Variants in LRRC27 observed in about 807,000 individuals in gnomAD.
LRRC27 encodes leucine-rich repeat-containing protein 27.
LRRC27 carries 57 observed loss-of-function variants against 55.0 expected under a neutral mutation model. That is an observed-to-expected ratio of 1.04 (90% confidence interval 0.84 to 1.29). LRRC27 has a LOEUF of 1.29. Ranked by LOEUF, LRRC27 falls within the 50% of genes most tolerant of loss-of-function variation. The pLI is 0.00. For missense variants in LRRC27, 721 were observed against 651.5 expected (o/e 1.11, Z -1.16); for synonymous variants, 278 against 251.9 (o/e 1.10, Z -0.98).
rs755372917 is a variant in LRRC27, at chr10:132,344,559, G to C, written c.462G>C (p.Gln154His). ...ACTGCCCTCTGGAATTCCCTCCTCAGCTCGTTGTGCAGAAGGGATTGGTGG... is the reference window on the plus strand; with the variant it reads ...ACTGCCCTCTGGAATTCCCTCCTCACCTCGTTGTGCAGAAGGGATTGGTGG... ...LRHCPLEFPPQLVVQKGLVAI... is the reference protein window; with the variant it reads ...LRHCPLEFPPHLVVQKGLVAI... The change falls in exon 5 of 11, where the codon CAG becomes CAC. Residue 154 changes from glutamine (Q) to histidine (H), a missense_variant. Gln to His is a conservative substitution (Grantham distance 24). Coordinates refer to ENST00000368614, the MANE Select transcript of LRRC27 (RefSeq NM_030626.3). 1 of 1,614,106 alleles carries C rather than the reference G, an allele frequency of 6.2e-7. No individual in the cohort carries two copies. Among genetic ancestry groups the C allele is most frequent in the Admixed American group, 1.7e-5 (1 of 60,022 alleles).
rs999849977 is a variant in LRRC27 at position 132,375,593 on chromosome 10, T to C, written c.*351T>C. 5.6e-6 allele frequency: 1 copy of C among 177,704 alleles called. No individual in the cohort carries two copies. The highest frequency in any genetic ancestry group is 2.4e-5 in the African/African-American group (1 of 42,240). The allele number at this position is 177,704 out of a possible 1,614,324, so 11.0% of individuals were successfully genotyped here. A position where few individuals can be genotyped will look rare whatever the true frequency, so the allele number is the denominator to read the frequency against. The stretch of plus-strand genomic sequence containing the variant: ...GTACTCACAGCTTTCCTTCACTTAG[T>C]TATTTGAGTGTGGGAGAGGAGACCA... On this transcript the variant is annotated 3_prime_UTR_variant, in exon 11 of 11. Coordinates refer to ENST00000368614, the MANE Select transcript of LRRC27 (RefSeq NM_030626.3).
chr10:132,366,938 C>T (rs2069108650), intron 10 of LRRC27: 1 of 1,285,062 alleles, frequency 7.8e-7, no homozygotes, highest in Middle Eastern at 2.1e-4. Flanking sequence ...ACTTCTGAGA[C>T]TCTTTTCCTC....
rs776262893 is a variant in LRRC27, at chr10:132,344,565, T to C, written c.468T>C (p.Val156=). 2.6e-5 allele frequency: 42 copies of C among 1,614,088 alleles called. No individual in the cohort carries two copies. The highest frequency in any genetic ancestry group is 3.5e-5 in the Non-Finnish European group (41 of 1,180,024). ...HCPLEFPPQL[V]VQKGLVAIQR... ...CTCTGGAATTCCCTCCTCAGCTCGT[T>C]GTGCAGAAGGGATTGGTGGCTATCC... The change falls in exon 5 of 11, where the codon GTT becomes GTC. Residue 156 remains valine (V), a synonymous_variant. Transcript: ENST00000368614.
chr10:132,373,139 A>G, intron 10 of LRRC27, among the ~76,000 whole-genome samples: 1 of 152,258 alleles, frequency 6.6e-6, no homozygotes, highest in East Asian at 1.9e-4. Flanking sequence ...GTAACCCAGA[A>G]GAACTCCCAA....
At chr10:132,353,638 G>C (rs2068172211) in intron 7 of LRRC27, among the ~76,000 whole-genome samples, 1 of 152,196 alleles carries the variant, frequency 6.6e-6, no homozygotes. Context: ...TAGGACATGG[G>C]AGTGTGGTCC....
Position 132,348,962 on chromosome 10 carries a change from G to A in LRRC27, c.926+606G>A, listed in dbSNP as rs1363098921. 2 of 1,601,946 alleles carry A rather than the reference G, an allele frequency of 1.2e-6. No homozygotes were observed. Among genetic ancestry groups the A allele is most frequent in the Non-Finnish European group, 1.7e-6 (2 of 1,173,708 alleles). Reference sequence around the variant, plus strand: ...AGATTTTATTTTCCTTTCACACCCAGGACAAGGGTCCCTAGGAAACAGGCT... The same window carrying A: ...AGATTTTATTTTCCTTTCACACCCAAGACAAGGGTCCCTAGGAAACAGGCT... On this transcript the variant is annotated intron_variant, in intron 6 of 10. Coordinates refer to ENST00000368614, the MANE Select transcript of LRRC27 (RefSeq NM_030626.3). This position sits in a 1 kb window ranked among gnomAD's most constrained non-coding sequence, Gnocchi z 4.2.
At chr10:132,352,923 C>T (rs916932099) in intron 7 of LRRC27, 1 of 1,613,924 alleles carries the variant, frequency 6.2e-7, no homozygotes, top group South Asian at 1.1e-5. Context: ...CAGGCCCTGA[C>T]ACGGTCATCA....
chr10:132,369,947 C>T (rs912639781), intron 10 of LRRC27, among the ~76,000 whole-genome samples: 1 of 152,080 alleles, frequency 6.6e-6, no homozygotes, highest in Non-Finnish European at 1.5e-5. Flanking sequence ...CGGTTGGTCT[C>T]AAATGCCTGC....
intron 10 of LRRC27, among the ~76,000 whole-genome samples, chr10:132,369,284 G>A (rs1218248917): frequency 6.6e-6 from 1 of 152,224 alleles, no homozygotes; most frequent in African/African-American, 2.4e-5. Flanking sequence ...ACCCAAAGGA[G>A]ATGAAAACTT....
rs1403693258 is a variant in LRRC27, at chr10:132,355,799, G to T, written c.1083G>T (p.Arg361Ser). The T allele has an allele frequency of 8.4e-6, 13 of 1,552,832 alleles. No homozygotes were observed. The South Asian group carries it at 1.4e-4, about 17-fold the overall frequency. ...ALMEQQRREK[R>S]ALQEWRERAQ... ...CCTTCCCTTTCTCCAGAGAGAAAAG[G>T]GCACTGCAGGAGTGGAGAGAGCGAG... is the stretch of plus-strand genomic sequence containing the variant. The change falls in exon 8 of 11, where the codon AGG becomes AGT. Residue 361 changes from arginine (R) to serine (S), a missense_variant. Arg to Ser is a moderately radical substitution (Grantham distance 110). Coordinates refer to ENST00000368614, the MANE Select transcript of LRRC27 (RefSeq NM_030626.3).
At chr10:132,347,884 C>T (rs2132892031) in intron 5 of LRRC27, 100 bp from the exon 6 acceptor site, 3 of 1,428,116 alleles carry the variant, frequency 2.1e-6, no homozygotes, top group Non-Finnish European at 2.8e-6. Flanking sequence ...AGGATCTGGG[C>T]ACCCCACCCC....
intron 4 of LRRC27, 95 bp from the exon 5 acceptor site, chr10:132,344,403 A>G (rs1052295247): frequency 1.8e-5 from 23 of 1,305,560 alleles, no homozygotes; most frequent in Admixed American, 4.6e-5. Context: ...ATAGAATCAT[A>G]TTTTAAAATG....
Position 132,333,467 on chromosome 10 carries a change from G to C in LRRC27, c.-48-10G>C. ...AGTTGCTTCTACGTTTCCCTTTCCC[G>C]TGTCTCCAGGTGACTCCAGACCAAG... On this transcript the variant is annotated splice_polypyrimidine_tract_variant and intron_variant, in intron 1 of 10. Transcript: ENST00000368614. 8.1e-6 allele frequency: 11 copies of C among 1,354,954 alleles called. No individual in the cohort carries two copies. Among genetic ancestry groups the C allele is most frequent in the Non-Finnish European group, 1.1e-5 (11 of 1,005,684 alleles). 83.9% of individuals were successfully genotyped at this position (1,354,954 alleles called of 1,614,324 possible). A position where few individuals can be genotyped will look rare whatever the true frequency, so the allele number is the denominator to read the frequency against.
In LRRC27 at chr10:132,348,081, T is replaced by C. The variant is rs1335306167; in HGVS notation, c.651T>C (p.Ala217=). ...DHASNQGAVN[A]QDPEGAVMKE... ...CGTCTAACCAAGGAGCTGTGAACGC[T>C]CAGGACCCAGAGGGGGCTGTGATGA... Residue 217 remains alanine (A), a synonymous_variant, in exon 6 of 11, where the codon GCT becomes GCC. Transcript: ENST00000368614. The surrounding 1 kb of genome is among the most constrained non-coding windows in gnomAD (Gnocchi z 4.2). 7.4e-6 allele frequency: 12 copies of C among 1,613,934 alleles called. No homozygotes were observed. Among genetic ancestry groups the C allele is most frequent in the Non-Finnish European group, 1.0e-5 (12 of 1,180,032 alleles).
intron 4 of LRRC27, among the ~76,000 whole-genome samples, 165 bp downstream of exon 4, chr10:132,342,436 T>G (rs2067458805): frequency 6.6e-6 from 1 of 152,338 alleles, no homozygotes; most frequent in East Asian, 1.9e-4. Context: ...ACTGTTGATA[T>G]AGCACGTACT....
At position 132,381,339 on chromosome 10, in the gene LRRC27, C is replaced by T. The variant is rs901684011; in HGVS notation, c.*6097C>T. Reference sequence around the variant, plus strand: ...GTTTTGCCAGGGGCTCTCGGGCCTTCGGCCACAGACTGAAGGCTGCACTGT... The same window carrying T: ...GTTTTGCCAGGGGCTCTCGGGCCTTTGGCCACAGACTGAAGGCTGCACTGT... On this transcript the variant is annotated 3_prime_UTR_variant, in exon 11 of 11. Transcript: ENST00000368614. 6.6e-6 allele frequency among the ~76,000 whole-genome samples: 1 copy of T among 152,228 alleles called. No individual in the cohort carries two copies. The highest frequency in any genetic ancestry group is 2.4e-5 in the African/African-American group (1 of 41,454).
At chr10:132,355,754 C>T in intron 7 of LRRC27, 36 bp from the exon 8 acceptor site, 1 of 1,460,458 alleles carries the variant, frequency 6.8e-7, no homozygotes, top group Non-Finnish European at 9.4e-7. Flanking sequence ...CTCGAAGCTG[C>T]CTGTAACTTA....
chr10:132,341,097 A>G (rs1036431958), intron 3 of LRRC27, among the ~76,000 whole-genome samples: 1 of 151,266 alleles, frequency 6.6e-6, no homozygotes, highest in Non-Finnish European at 1.5e-5. Flanking sequence ...GGAGTTCAAA[A>G]CTGGCTTCAG....
At chr10:132,333,425 T>G in intron 1 of LRRC27, 52 bp from the exon 2 acceptor site, 1 of 776,914 alleles carries the variant, frequency 1.3e-6, no homozygotes, top group Non-Finnish European at 1.9e-6. Flanking sequence ...GCTATTCTGT[T>G]TTGCCTCGGT....
Sources: allele counts gnomAD v4.1 joint callset (sites outside exome capture counted in the v4.1 genomes callset), GRCh38; gene constraint gnomAD v4.1.1; non-coding constraint Gnocchi (gnomAD v3.1); transcripts MANE v1.5; gene names NCBI Gene and HGNC (gene_info 2026-07-23, HGNC 2026-07-21).